The following CGGBP1 variants were observed in gnomAD, a reference collection of about 807,000 sequenced individuals.
CGGBP1 encodes CGG triplet repeat binding protein 1.
CGGBP1 carries 4 observed loss-of-function variants against 11.4 expected under a neutral mutation model. That is an observed-to-expected ratio of 0.35 (90% CI 0.17 to 0.80). CGGBP1 has a LOEUF of 0.80. CGGBP1 is among the 30% of genes least tolerant of loss of function. CGGBP1 has a pLI of 0.52. For missense variants in CGGBP1, 135 were observed against 202.1 expected, an observed-to-expected ratio of 0.67 and a Z score of 2.01; for synonymous variants, 76 against 74.1, an observed-to-expected ratio of 1.03 and a Z score of -0.13.
chr3:88,138,165 G>A (rs917923557), intron 2 of CGGBP1, among the ~76,000 whole-genome samples: 2 of 151,976 alleles, frequency 1.3e-5, no homozygotes, highest in Non-Finnish European at 2.9e-5. Flanking sequence ...TTCTTTATGT[G>A]TGCCACATTT....
chr3:88,088,405 ATAAT>A (rs1323830932), intron 2 of CGGBP1, among the ~76,000 whole-genome samples: 2 of 152,236 alleles, frequency 1.3e-5, no homozygotes, highest in African/African-American at 4.8e-5. Flanking sequence ...TATAAAATCT[ATAAT>A]TAGCATTTTT....
chr3:88,068,779 T>G (rs1707341253), intron 2 of CGGBP1, among the ~76,000 whole-genome samples: 1 of 152,118 alleles, frequency 6.6e-6, no homozygotes, highest in Non-Finnish European at 1.5e-5. Flanking sequence ...TTTTTATAGG[T>G]CAGGAAACTA....
At chr3:88,079,141 G>A (rs117969651) in intron 2 of CGGBP1, among the ~76,000 whole-genome samples, 1 of 152,132 alleles carries the variant, frequency 6.6e-6, no homozygotes, top group East Asian at 1.9e-4. Flanking sequence ...TCAACCTAAA[G>A]TAACTTCAGG....
chr3:88,126,352 T>C (rs1432374444), intron 2 of CGGBP1: 2 of 1,253,346 alleles, frequency 1.6e-6, no homozygotes, highest in Admixed American at 3.4e-5. Flanking sequence ...GTAATAGTAA[T>C]TTTTCTTCAT....
At chr3:88,085,469 G>T (rs376631250) in intron 2 of CGGBP1, among the ~76,000 whole-genome samples, 1 of 151,948 alleles carries the variant, frequency 6.6e-6, no homozygotes, top group East Asian at 1.9e-4. Context: ...CTTTTACCTC[G>T]TGGATGTACA....
At chr3:88,117,179 C>G (rs1705465305) in intron 2 of CGGBP1, among the ~76,000 whole-genome samples, 7 of 152,060 alleles carry the variant, frequency 4.6e-5, no homozygotes, top group Admixed American at 4.6e-4. Context: ...CCAGTAAAAA[C>G]CAAATTAATG....
At chr3:88,071,754 A>G (rs1707527222) in intron 2 of CGGBP1, among the ~76,000 whole-genome samples, 1 of 152,160 alleles carries the variant, frequency 6.6e-6, no homozygotes, top group African/African-American at 2.4e-5. Flanking sequence ...CAGTGAGCTG[A>G]GATCGTACCA....
chr3:88,107,225 C>G (rs995859853), intron 2 of CGGBP1, among the ~76,000 whole-genome samples: 3 of 152,162 alleles, frequency 2.0e-5, no homozygotes, highest in Non-Finnish European at 4.4e-5. Context: ...CATTGGAACA[C>G]TAACGCTGAA....
At chr3:88,129,587 A>G in intron 2 of CGGBP1, 1 of 981,418 alleles carries the variant, frequency 1.0e-6, no homozygotes, top group Non-Finnish European at 1.4e-6. Flanking sequence ...GAAGAAAACT[A>G]GAAATCTAAG....
At chr3:88,059,213 G>A (rs561733146), upstream of CGGBP1, 3 of 1,479,070 alleles carry the variant, frequency 2.0e-6, no homozygotes, top group East Asian at 2.5e-5. Context: ...GTCCGGCTAG[G>A]GAGGAGGGAA....
chr3:88,140,411 T>C, intron 2 of CGGBP1: 3 of 1,613,288 alleles, frequency 1.9e-6, no homozygotes, highest in Middle Eastern at 1.7e-4. Flanking sequence ...CAGTTTCTAC[T>C]AGCAAATCAA....
At chr3:88,075,351 G>C (rs1017920922) in intron 2 of CGGBP1, among the ~76,000 whole-genome samples, 3 of 152,158 alleles carry the variant, frequency 2.0e-5, no homozygotes, top group Non-Finnish European at 2.9e-5. Flanking sequence ...ATGTGCCAAG[G>C]CATTTTTAGT....
At chr3:88,116,748 G>C (rs1236378634) in intron 2 of CGGBP1, among the ~76,000 whole-genome samples, 5 of 151,988 alleles carry the variant, frequency 3.3e-5, no homozygotes, top group Admixed American at 2.6e-4. Context: ...TTATAAGAGA[G>C]GTGTGGTTGT....
Position 88,145,325 on chromosome 3 carries a change from T to C in CGGBP1, c.-337-4247A>G, listed in dbSNP as rs185462802. Reference sequence around the variant, plus strand: ...TGATGTGATGAGACCACACTGCAAATAGATAAATGGGATAAAATGATTTGT... The same window carrying C: ...TGATGTGATGAGACCACACTGCAAACAGATAAATGGGATAAAATGATTTGT... On this transcript the variant is annotated intron_variant, in intron 1 of 3. Coordinates refer to the CGGBP1 transcript ENST00000462901. 2.7e-3 allele frequency among the ~76,000 whole-genome samples: 412 copies of C among 152,120 alleles called. 2 individuals are homozygous for C. Among genetic ancestry groups the C allele is most frequent in the African/African-American group, 8.5e-3 (354 of 41,518 alleles).
intron 2 of CGGBP1, among the ~76,000 whole-genome samples, chr3:88,100,804 C>G (rs1411391213): frequency 6.6e-6 from 1 of 151,714 alleles, no homozygotes; most frequent in African/African-American, 2.4e-5. Flanking sequence ...ACAGCGGGGC[C>G]TGTCATGGGG....
intron 2 of CGGBP1, among the ~76,000 whole-genome samples, chr3:88,126,634 G>A (rs1283459913): frequency 1.6e-5 from 2 of 128,072 alleles, no homozygotes; most frequent in African/African-American, 3.0e-5. Context: ...TTTCATGAAA[G>A]CACATGGAAT....
At chr3:88,076,885 G>A (rs1707833056) in intron 2 of CGGBP1, among the ~76,000 whole-genome samples, 1 of 152,144 alleles carries the variant, frequency 6.6e-6, no homozygotes, top group African/African-American at 2.4e-5. Flanking sequence ...GCTGCCACAT[G>A]GAGGACTCTG....
upstream of CGGBP1, among the ~76,000 whole-genome samples, chr3:88,059,973 C>T (rs1435568164): frequency 1.3e-5 from 2 of 152,008 alleles, no homozygotes; most frequent in African/African-American, 4.8e-5. Context: ...TTTCCTGTCA[C>T]TGCCACTGTT....
intron 1 of CGGBP1, among the ~76,000 whole-genome samples, chr3:88,145,840 T>C (rs1707303419): frequency 6.6e-6 from 1 of 152,318 alleles, no homozygotes; most frequent in African/African-American, 2.4e-5. Flanking sequence ...AGGGTAAATA[T>C]GAACACTGCT....
Sources: allele counts gnomAD v4.1 joint callset (sites outside exome capture counted in the v4.1 genomes callset), GRCh38; gene constraint gnomAD v4.1.1; transcripts MANE v1.5; gene names NCBI Gene and HGNC (gene_info 2026-07-23, HGNC 2026-07-21).